The following GPATCH2L variants were observed in gnomAD, a reference collection of about 807,000 sequenced individuals.
The protein encoded by GPATCH2L is G patch domain-containing protein 2-like.
A neutral mutation model predicts 57.4 loss-of-function variants in GPATCH2L; 31 were observed. The observed-to-expected ratio is 0.54, with a 90% CI of 0.41 to 0.73. The LOEUF is 0.73. GPATCH2L is among the 30% of genes least tolerant of loss of function. The pLI is 0.00. For synonymous variants in GPATCH2L, 199 were observed against 210.7 expected (o/e 0.94, Z 0.48); for missense variants, 481 against 599.9 (o/e 0.80, Z 2.07).
rs960365925 is a variant in GPATCH2L at position 76,207,156 on chromosome 14, A to T, written c.*5305A>T. The T allele has an allele frequency of 6.6e-6, 1 of 152,118 alleles. No homozygotes were observed. The highest frequency in any genetic ancestry group is 2.4e-5 in the African/African-American group (1 of 41,414). The allele number at this position is 152,118 out of a possible 1,614,324, so 9.4% of individuals were successfully genotyped here. A position where few individuals can be genotyped will look rare whatever the true frequency, so the allele number is the denominator to read the frequency against. ...ACAGTGAGACCTTGTCTCTACAAAA[A>T]ATTTTAAAAATTAGCTGGCTGTGGT... is the stretch of plus-strand genomic sequence containing the variant. On this transcript the variant is annotated 3_prime_UTR_variant, in exon 10 of 10. Transcript: ENST00000261530.
chr14:76,170,669 C>T (rs1292493484), intron 3 of GPATCH2L: 2 of 151,982 alleles, frequency 1.3e-5, no homozygotes, highest in Admixed American at 1.3e-4. Flanking sequence ...GAAGTATGGA[C>T]ATATATTCTT....
At chr14:76,167,852 C>T (rs559863045) in intron 3 of GPATCH2L, among the ~76,000 whole-genome samples, 2 of 152,122 alleles carry the variant, frequency 1.3e-5, no homozygotes, top group Non-Finnish European at 2.9e-5. Context: ...TTCAGAGTTA[C>T]CAATATTTGC....
rs2040394609 is a variant in GPATCH2L, at chr14:76,207,664, C to T, written c.*5813C>T. 1 of 152,030 alleles carries T rather than the reference C, an allele frequency of 6.6e-6. No homozygotes were observed. The highest frequency in any genetic ancestry group is 2.1e-4 in the South Asian group (1 of 4,826). 9.4% of individuals were successfully genotyped at this position (152,030 alleles called of 1,614,324 possible). On this transcript the variant is annotated 3_prime_UTR_variant, in exon 10 of 10. Transcript: ENST00000261530. Reference sequence around the variant, plus strand: ...ATGTAAAAATCAATTTTCTGTGATCCCACTTAATCACACCGTGTTTTCTTT... The same window carrying T: ...ATGTAAAAATCAATTTTCTGTGATCTCACTTAATCACACCGTGTTTTCTTT...
In GPATCH2L at chr14:76,176,620, T is replaced by C. The variant is rs768165874; in HGVS notation, c.985-3T>C. On this transcript the variant is annotated splice_polypyrimidine_tract_variant and splice_region_variant and intron_variant, in intron 5 of 9. Transcript: ENST00000261530. ...GATACTCTTGTCTGCCTTTTCTTTT[T>C]AGGAGACCAGCATAAACACTTTGGG... 1.2e-6 allele frequency: 2 copies of C among 1,601,360 alleles called. No individual in the cohort carries two copies. Among genetic ancestry groups the C allele is most frequent in the Non-Finnish European group, 1.7e-6 (2 of 1,168,292 alleles).
chr14:76,186,251 T>TA (rs543849957), intron 8 of GPATCH2L, among the ~76,000 whole-genome samples: 12 of 150,644 alleles, frequency 8.0e-5, no homozygotes, highest in South Asian at 2.1e-4. Context: ...GAGTTGGGGT[T>TA]AAAAAAAAAG....
chr14:76,163,069 T>G (rs1048847186), intron 2 of GPATCH2L, among the ~76,000 whole-genome samples: 1 of 152,190 alleles, frequency 6.6e-6, no homozygotes, highest in South Asian at 2.1e-4. Context: ...GGATTGACTT[T>G]AGTAAATGAG....
chr14:76,219,108 G>T (rs2040502617), downstream of GPATCH2L, among the ~76,000 whole-genome samples: 1 of 151,872 alleles, frequency 6.6e-6, no homozygotes, highest in South Asian at 2.1e-4. Flanking sequence ...AAGATTGCTG[G>T]ATTAGACTTC....
chr14:76,185,307 A>G (rs562125622), intron 8 of GPATCH2L, among the ~76,000 whole-genome samples: 19 of 152,200 alleles, frequency 1.2e-4, no homozygotes, highest in African/African-American at 4.6e-4. Flanking sequence ...CAAACAGCAG[A>G]TGGTGTGATT....
At chr14:76,196,689 G>A (rs983890521) in intron 9 of GPATCH2L, 1 of 152,024 alleles carries the variant, frequency 6.6e-6, no homozygotes, top group Non-Finnish European at 1.5e-5. Flanking sequence ...GGAGAGTTAT[G>A]TATTTATTAA....
At chr14:76,190,998 A>G (rs1393302526) in intron 8 of GPATCH2L, among the ~76,000 whole-genome samples, 1 of 152,140 alleles carries the variant, frequency 6.6e-6, no homozygotes, top group Non-Finnish European at 1.5e-5. Context: ...AACGTATTAC[A>G]TGGTTTGCAA....
intron 8 of GPATCH2L, among the ~76,000 whole-genome samples, chr14:76,192,331 C>T (rs2040005373): frequency 6.6e-6 from 1 of 152,030 alleles, no homozygotes; most frequent in Non-Finnish European, 1.5e-5. Flanking sequence ...CCTGTTATAA[C>T]AGTTTGATCA....
intron 2 of GPATCH2L, among the ~76,000 whole-genome samples, chr14:76,232,203 C>T (rs1052047842): frequency 1.3e-5 from 2 of 152,218 alleles, no homozygotes; most frequent in African/African-American, 2.4e-5. Flanking sequence ...TGAGACACTG[C>T]ACCAGGCTTT....
At chr14:76,166,605 C>A in intron 2 of GPATCH2L, 58 bp from the exon 3 acceptor site, 1 of 1,139,796 alleles carries the variant, frequency 8.8e-7, no homozygotes, top group Non-Finnish European at 1.3e-6. Flanking sequence ...AATAAGTGTA[C>A]AGTGCTTTGT....
At chr14:76,153,959 T>C (rs1594895693) in intron 1 of GPATCH2L, 2 of 161,434 alleles carry the variant, frequency 1.2e-5, no homozygotes, top group South Asian at 3.6e-4. Context: ...TCTGTTCCTG[T>C]CTAGTGAGAC....
At position 76,213,361 on chromosome 14, in the gene GPATCH2L, CA is replaced by C. The variant is rs2040463540; in HGVS notation, c.*11512del. 6.6e-6 allele frequency: 1 copy of C among 152,066 alleles called. No individual in the cohort carries two copies. The highest frequency in any genetic ancestry group is 2.4e-5 in the African/African-American group (1 of 41,398). 9.4% of individuals were successfully genotyped at this position (152,066 alleles called of 1,614,324 possible). A position where few individuals can be genotyped will look rare whatever the true frequency, so the allele number is the denominator to read the frequency against. On this transcript the variant is annotated 3_prime_UTR_variant, in exon 10 of 10. Coordinates refer to ENST00000261530, the MANE Select transcript of GPATCH2L (RefSeq NM_017926.4). ...TGACATCAAAAGAAATCTAATATAA[CA>C]ATTGTCATAGAAGAAATGAAGTAAG...
chr14:76,186,494 G>A (rs1250847423), intron 8 of GPATCH2L, among the ~76,000 whole-genome samples: 2 of 152,158 alleles, frequency 1.3e-5, no homozygotes, highest in East Asian at 1.9e-4. Context: ...AGGGCTTGGG[G>A]GAAGGAACCT....
chr14:76,172,316 T>G (rs1316753968), intron 4 of GPATCH2L, among the ~76,000 whole-genome samples: 1 of 152,198 alleles, frequency 6.6e-6, no homozygotes, highest in Non-Finnish European at 1.5e-5. Context: ...GATGTGAAAC[T>G]AAGAGGTTAT....
chr14:76,227,341 C>T lies in GPATCH2L; in HGVS notation c.66-2467C>T, dbSNP rs377126429. Among the ~76,000 whole-genome samples, 32 of 152,298 alleles carry T rather than the reference C, an allele frequency of 2.1e-4. No homozygotes were observed. In the East Asian group the frequency reaches 5.0e-3, roughly 24 times the overall value. On this transcript the variant is annotated intron_variant and NMD_transcript_variant, in intron 1 of 3. Coordinates refer to the GPATCH2L transcript ENST00000556372. ...CCCTCTTCTCCTAACCTCAAAAGGC[C>T]TGAGCCCCTGACTGGCCAGTGTGGA...
chr14:76,162,098 C>A (rs1416878571), intron 2 of GPATCH2L, among the ~76,000 whole-genome samples: 2 of 146,130 alleles, frequency 1.4e-5, no homozygotes, highest in East Asian at 4.1e-4. Flanking sequence ...CGCTTGGAAT[C>A]TGAGAGTGAC....
Sources: gnomAD v4.1 joint callset for allele counts (sites outside exome capture counted in the v4.1 genomes callset) on GRCh38, gnomAD v4.1.1 for gene constraint, MANE v1.5 for transcripts, NCBI Gene and HGNC (gene_info 2026-07-23, HGNC 2026-07-21) for gene names.